CFAP47: variants seen among roughly 807,000 people sequenced by gnomAD.
CFAP47 encodes cilia- and flagella-associated protein 47.
CFAP47 carries 29 observed loss-of-function variants against 148.1 expected under a neutral mutation model. That is an observed-to-expected ratio of 0.20 (90% CI 0.15 to 0.27). The LOEUF is 0.27. Among genes scored for constraint, CFAP47 ranks in the 10% least tolerant of loss-of-function variants. The pLI is 1.00. For missense variants in CFAP47, 1,872 were observed against 1,697.5 expected (o/e 1.10, Z -1.81); for synonymous variants, 664 against 577.3 (o/e 1.15, Z -2.15).
intron 48 of CFAP47, among the ~76,000 whole-genome samples, chrX:36,242,116 G>T (rs1206150583): frequency 8.9e-6 from 1 of 112,340 alleles, no homozygotes; most frequent in African/African-American, 3.2e-5. Context: ...CCAAGGGCAA[G>T]AATTCAGCCT....
Position 36,319,265 on chromosome X carries a change from G to A in CFAP47, c.8401G>A (p.Glu2801Lys). 1 of 1,123,941 alleles carries A rather than the reference G, an allele frequency of 8.9e-7. No individual in the cohort carries two copies. The highest frequency in any genetic ancestry group is 2.0e-5 in the South Asian group (1 of 48,865). 92.6% of individuals were successfully genotyped at this position (1,123,941 alleles called of 1,213,427 possible). The change falls in exon 57 of 64, where the codon GAG becomes AAG. Residue 2801 changes from glutamate (E) to lysine (K), a missense_variant. Glu to Lys is a moderately conservative substitution (Grantham distance 56). Coordinates refer to ENST00000378653, the MANE Select transcript of CFAP47 (RefSeq NM_001304548.2). ...TCATTGCTGGGATAGCTTCATCTATGAGAGTTCTGCCTTCAGATTTAGTTC... is the reference window on the plus strand; with the variant it reads ...TCATTGCTGGGATAGCTTCATCTATAAGAGTTCTGCCTTCAGATTTAGTTC... ...MDHCWDSFIY[E>K]SSAFRFSSPS...
At chrX:36,267,652 G>A (rs1355931207) in intron 49 of CFAP47, among the ~76,000 whole-genome samples, 2 of 110,274 alleles carry the variant, frequency 1.8e-5, no homozygotes, top group African/African-American at 3.3e-5. Context: ...CTAATTTTTT[G>A]TATTTTTGGT....
chrX:36,245,634 G>A (rs782724724), intron 48 of CFAP47, among the ~76,000 whole-genome samples: 50 of 111,485 alleles, frequency 4.5e-4, no homozygotes, highest in African/African-American at 1.4e-3. Context: ...TAAGCAAGGA[G>A]GTAGAAGATC....
At chrX:35,941,442 G>T in intron 3 of CFAP47, 44 bp downstream of exon 3, 2 of 700,893 alleles carry the variant, frequency 2.9e-6, no homozygotes, top group South Asian at 7.0e-5. Context: ...TAGAAGAGTT[G>T]GTATTATTTG....
intron 8 of CFAP47, among the ~76,000 whole-genome samples, chrX:35,964,263 T>C (rs1389905809): frequency 8.9e-6 from 1 of 111,840 alleles, no homozygotes; most frequent in African/African-American, 3.2e-5. Context: ...GTCTTTTTCC[T>C]TCAATATTGG....
chrX:36,051,660 TTGAC>T (rs1336277622), intron 26 of CFAP47, among the ~76,000 whole-genome samples: 3 of 111,682 alleles, frequency 2.7e-5, no homozygotes, highest in African/African-American at 6.5e-5. Context: ...AGATGAGACT[TTGAC>T]TGTGGAATTT....
chrX:36,321,460 A>T (rs1941478179), intron 57 of CFAP47, among the ~76,000 whole-genome samples: 1 of 111,807 alleles, frequency 8.9e-6, no homozygotes, highest in Non-Finnish European at 1.9e-5. Context: ...CTGGTATTTC[A>T]TAACACAACA....
chrX:36,266,875 A>C (rs1429376021), intron 49 of CFAP47, among the ~76,000 whole-genome samples: 1 of 110,973 alleles, frequency 9.0e-6, no homozygotes, highest in Non-Finnish European at 1.9e-5. Flanking sequence ...GTATCCTGCC[A>C]CTCAGCAATC....
intron 26 of CFAP47, among the ~76,000 whole-genome samples, chrX:36,050,931 G>A (rs955746988): frequency 1.4e-4 from 16 of 112,438 alleles, no homozygotes; most frequent in African/African-American, 5.2e-4. Context: ...TATAGCTTAG[G>A]CCATGGCTTC....
chrX:36,062,041 A>C (rs1266413484), intron 26 of CFAP47, among the ~76,000 whole-genome samples: 1 of 111,635 alleles, frequency 9.0e-6, no homozygotes, highest in African/African-American at 3.3e-5. Context: ...TGCTTTGCAG[A>C]AAAAAGTTTA....
intron 37 of CFAP47, among the ~76,000 whole-genome samples, chrX:36,155,885 C>T (rs1939360944): frequency 9.0e-6 from 1 of 111,123 alleles, no homozygotes; most frequent in African/African-American, 3.3e-5. Context: ...TGCTTACAAT[C>T]TATCCCAATG....
chrX:35,969,246 A>G (rs1323227987), intron 10 of CFAP47, among the ~76,000 whole-genome samples: 1 of 111,132 alleles, frequency 9.0e-6, no homozygotes, highest in Non-Finnish European at 1.9e-5. Flanking sequence ...TAAGTAATGA[A>G]ATAAGTTTTA....
intron 56 of CFAP47, among the ~76,000 whole-genome samples, chrX:36,318,208 A>G (rs1417143167): frequency 8.9e-6 from 1 of 112,287 alleles, no homozygotes; most frequent in East Asian, 2.8e-4. Context: ...ATTTCCTTCA[A>G]TGTATATATA....
intron 45 of CFAP47, among the ~76,000 whole-genome samples, chrX:36,224,678 T>A (rs1940250700): frequency 9.0e-6 from 1 of 111,697 alleles, no homozygotes; most frequent in Non-Finnish European, 1.9e-5. Flanking sequence ...TGGACAGAAT[T>A]CCCAGCTGAG....
At chrX:36,068,311 C>T (rs750218648) in intron 27 of CFAP47, among the ~76,000 whole-genome samples, 3 of 112,165 alleles carry the variant, frequency 2.7e-5, no homozygotes, top group Non-Finnish European at 5.6e-5. Flanking sequence ...TTTGACTTAA[C>T]CTGCCTATTA....
chrX:36,355,286 A>G (rs1027147417), intron 60 of CFAP47, among the ~76,000 whole-genome samples: 23 of 111,583 alleles, frequency 2.1e-4, no homozygotes, highest in Middle Eastern at 4.6e-3. Context: ...TTCATCTGCT[A>G]TGGAAAACAG....
intron 51 of CFAP47, among the ~76,000 whole-genome samples, chrX:36,287,714 C>T (rs1426587038): frequency 2.7e-5 from 3 of 111,529 alleles, no homozygotes; most frequent in African/African-American, 6.5e-5. Flanking sequence ...CTTAGGCTAT[C>T]GTGGCTAGTG....
At chrX:35,967,578 TA>T in intron 9 of CFAP47, 40 bp from the exon 10 acceptor site, 1 of 1,022,153 alleles carries the variant, frequency 9.8e-7, no homozygotes, top group Middle Eastern at 2.6e-4. Flanking sequence ...AAGTTGAAAT[TA>T]AAAATACCAT....
intron 33 of CFAP47, among the ~76,000 whole-genome samples, chrX:36,122,800 T>C (rs2146814861): frequency 8.9e-6 from 1 of 112,127 alleles, no homozygotes; most frequent in South Asian, 3.7e-4. Flanking sequence ...TGATTTGTAC[T>C]TGGTGATTCA....
Sources: gnomAD v4.1 joint callset for allele counts (sites outside exome capture counted in the v4.1 genomes callset) on GRCh38, gnomAD v4.1.1 for gene constraint, MANE v1.5 for transcripts, NCBI Gene and HGNC (gene_info 2026-07-23, HGNC 2026-07-21) for gene names.